POLH: variants seen among roughly 807,000 people sequenced by gnomAD.
POLH encodes the protein DNA polymerase eta, also known as DNA polymerase eta transcript.
A neutral mutation model predicts 73.6 loss-of-function variants in POLH; 53 were observed. That is an observed-to-expected ratio of 0.72 (90% CI 0.58 to 0.91). POLH has a LOEUF of 0.91. Among genes scored for constraint, POLH ranks in the 40% least tolerant of loss-of-function variants. POLH has a pLI of 0.00. For missense variants in POLH, 768 were observed against 865.4 expected (o/e 0.89, Z 1.41); for synonymous variants, 292 against 308.5 (o/e 0.95, Z 0.56).
intron 4 of POLH, among the ~76,000 whole-genome samples, chr6:43,590,390 A>G (rs989345026): frequency 5.3e-5 from 8 of 150,816 alleles, no homozygotes; most frequent in Admixed American, 2.0e-4. Flanking sequence ...TGCTTTTGTG[A>G]TAATGTTAGA....
At chr6:43,592,193 C>T (rs1303634576) in intron 4 of POLH, among the ~76,000 whole-genome samples, 1 of 152,078 alleles carries the variant, frequency 6.6e-6, no homozygotes, top group African/African-American at 2.4e-5. Context: ...TGTGTGCAAC[C>T]ACAAAAACCT....
intron 5 of POLH, among the ~76,000 whole-genome samples, chr6:43,600,158 CAA>C (rs138043805): frequency 3.7e-5 from 5 of 135,014 alleles, no homozygotes; most frequent in African/African-American, 5.4e-5. Flanking sequence ...AACTCTGTCT[CAA>C]AAAAAAAAAA....
chr6:43,578,109 G>C (rs375076323), intron 1 of POLH, among the ~76,000 whole-genome samples: 1 of 144,998 alleles, frequency 6.9e-6, no homozygotes, highest in African/African-American at 2.6e-5. Context: ...ATGCTAGGCC[G>C]AGCGCGATGG....
rs1376233109 is a variant in POLH, at chr6:43,588,340, ATGTC to A, written c.490+857_490+860del. The A allele has an allele frequency of 2.6e-5, 4 of 152,006 alleles. No individual in the cohort carries two copies. In the East Asian group the frequency reaches 7.7e-4, roughly 29 times the overall value. The allele number at this position is 152,006 out of a possible 1,614,324, so 9.4% of individuals were successfully genotyped here. On this transcript the variant is annotated intron_variant, in intron 4 of 10. Transcript: ENST00000372236. ...CACAGATACATTTGATATATCTTAG[ATGTC>A]TGTCTTTCCTTCCTTCCTTCTTTCC...
chr6:43,588,025 T>A (rs1386962015), intron 4 of POLH, among the ~76,000 whole-genome samples: 1 of 152,198 alleles, frequency 6.6e-6, no homozygotes, highest in African/African-American at 2.4e-5. Context: ...AGAGGGAGAC[T>A]CCGTCTCAAA....
chr6:43,605,418 A>G (rs898049032), intron 9 of POLH, 99 bp downstream of exon 9: 1 of 620,938 alleles, frequency 1.6e-6, no homozygotes, highest in Non-Finnish European at 3.0e-6. Flanking sequence ...AAAAAGTATT[A>G]GCATAGGAAA....
intron 6 of POLH, among the ~76,000 whole-genome samples, chr6:43,602,680 T>A (rs1196876627): frequency 6.6e-6 from 1 of 152,280 alleles, no homozygotes; most frequent in Non-Finnish European, 1.5e-5. Context: ...TTGACTTTTT[T>A]TTTTTTGAGA....
chr6:43,595,224 G>A (rs1019750307), intron 4 of POLH, among the ~76,000 whole-genome samples: 1 of 151,316 alleles, frequency 6.6e-6, no homozygotes, highest in Non-Finnish European at 1.5e-5. Flanking sequence ...TCCGCCTCCC[G>A]GGTTCAAGTG....
At chr6:43,581,676 GGGC>G (rs1250422743) in intron 1 of POLH, among the ~76,000 whole-genome samples, 2 of 144,076 alleles carry the variant, frequency 1.4e-5, no homozygotes, top group Non-Finnish European at 1.5e-5. Context: ...CCCGGCGGTC[GGGC>G]GGCGGCGGCT....
chr6:43,604,171 T>C (rs373329216), intron 7 of POLH, among the ~76,000 whole-genome samples, 160 bp downstream of exon 7: 3 of 152,256 alleles, frequency 2.0e-5, no homozygotes, highest in African/African-American at 7.2e-5. Context: ...TGGGTCACTA[T>C]GGCCCATCAG....
At position 43,607,583 on chromosome 6, in the gene POLH, G is replaced by A. The variant is rs544299591; in HGVS notation, c.1074+2264G>A. On this transcript the variant is annotated intron_variant, in intron 9 of 10. Coordinates refer to ENST00000372236, the MANE Select transcript of POLH (RefSeq NM_006502.3). ...TGTTTTCTTTCCAGCATATACCTTG[G>A]AGTATAATTTCTGGGTCATATGTTA... Among the ~76,000 whole-genome samples the A allele has an allele frequency of 5.9e-5, 9 of 152,212 alleles. No individual in the cohort carries two copies. The South Asian group carries it at 1.9e-3, about 32-fold the overall frequency.
At chr6:43,596,046 A>G (rs1183650726) in intron 4 of POLH, among the ~76,000 whole-genome samples, 1 of 152,072 alleles carries the variant, frequency 6.6e-6, no homozygotes, top group Non-Finnish European at 1.5e-5. Context: ...TCTACTTCAT[A>G]TTACAGATAA....
At chr6:43,600,909 GTA>G (rs1356294091) in intron 5 of POLH, 77 bp from the exon 6 acceptor site, 2 of 857,658 alleles carry the variant, frequency 2.3e-6, no homozygotes, top group Non-Finnish European at 4.1e-6. Flanking sequence ...CTGTGTGTGT[GTA>G]TGTTATGTGT....
chr6:43,585,368 T>A (rs954209274), intron 3 of POLH, among the ~76,000 whole-genome samples: 3 of 152,130 alleles, frequency 2.0e-5, no homozygotes, highest in Non-Finnish European at 2.9e-5. Flanking sequence ...CAACTTGACC[T>A]GCAGTATCTC....
intron 1 of POLH, among the ~76,000 whole-genome samples, chr6:43,581,374 A>T (rs2127771160): frequency 8.9e-6 from 1 of 112,438 alleles, no homozygotes; most frequent in East Asian, 2.7e-4. Flanking sequence ...CCTAGATGGG[A>T]TGGCGGCCGG....
Position 43,610,625 on chromosome 6 carries a change from C to T in POLH, c.1146C>T (p.Arg382=). 2 of 1,612,508 alleles carry T rather than the reference C, an allele frequency of 1.2e-6. No individual in the cohort carries two copies. The highest frequency in any genetic ancestry group is 1.7e-6 in the Non-Finnish European group (2 of 1,178,542). ...GAGACAAACGCCTCAGCAGCCTGCG[C>T]CGCTGCTGTGCCCTTACCCGCTATG... ...VQGDKRLSSL[R]RCCALTRYDA... The change falls in exon 10 of 11, where the codon CGC becomes CGT. Residue 382 remains arginine (R), a synonymous_variant. Coordinates refer to ENST00000372236, the MANE Select transcript of POLH (RefSeq NM_006502.3).
At chr6:43,579,897 TC>T (rs144223645) in intron 1 of POLH, among the ~76,000 whole-genome samples, 2 of 148,556 alleles carry the variant, frequency 1.3e-5, no homozygotes, top group African/African-American at 2.6e-5. Context: ...AGTGAAAGAA[TC>T]TTTTTTTTTT....
At chr6:43,601,198 A>G (rs903962705) in intron 6 of POLH, 107 bp downstream of exon 6, 4 of 789,382 alleles carry the variant, frequency 5.1e-6, no homozygotes, top group Admixed American at 3.8e-5. Context: ...GGGGAAATAC[A>G]TACCAGGCAG....
At chr6:43,607,759 A>G (rs1204362889) in intron 9 of POLH, among the ~76,000 whole-genome samples, 1 of 152,098 alleles carries the variant, frequency 6.6e-6, no homozygotes, top group African/African-American at 2.4e-5. Flanking sequence ...TGGGTGTGAA[A>G]TGGTATCTCA....
Sources: gnomAD v4.1 joint callset for allele counts (sites outside exome capture counted in the v4.1 genomes callset) on GRCh38, gnomAD v4.1.1 for gene constraint, MANE v1.5 for transcripts, NCBI Gene and HGNC (gene_info 2026-07-23, HGNC 2026-07-21) for gene names.